SHANK2: variants seen among roughly 807,000 people sequenced by gnomAD.
The protein encoded by SHANK2 is SH3 and multiple ankyrin repeat domains protein 2.
SHANK2 carries 43 observed loss-of-function variants against 133.7 expected under a neutral mutation model. That is an observed-to-expected ratio of 0.32 (90% CI 0.25 to 0.41). The LOEUF is 0.41. SHANK2 is among the 10% of genes least tolerant of loss of function. The pLI is 1.00. For synonymous variants in SHANK2, 1,017 were observed against 952.8 expected (o/e 1.07, Z -1.24); for missense variants, 1,994 against 2,235.8 (o/e 0.89, Z 2.18).
intron 17 of SHANK2, among the ~76,000 whole-genome samples, chr11:70,514,409 C>G (rs1318278211): frequency 1.3e-5 from 2 of 152,234 alleles, no homozygotes; most frequent in African/African-American, 2.4e-5. Context: ...GGGACTGGAT[C>G]TATGGATGGC....
chr11:70,545,926 G>A (rs1283998883), intron 17 of SHANK2, among the ~76,000 whole-genome samples: 1 of 152,020 alleles, frequency 6.6e-6, no homozygotes, highest in Admixed American at 6.5e-5. Flanking sequence ...CAATACTCGG[G>A]AACATGCATC....
chr11:71,069,413 C>T (rs976743141), intron 9 of SHANK2, among the ~76,000 whole-genome samples: 83,530 of 151,686 alleles, frequency 0.55, 27,274 homozygotes, highest in East Asian at 0.75. Context: ...TCAGCCTCAC[C>T]ATCACCACCT....
intron 17 of SHANK2, among the ~76,000 whole-genome samples, chr11:70,619,276 G>A (rs2060798486): frequency 6.6e-6 from 1 of 152,242 alleles, no homozygotes. Context: ...CAGGGCTCAG[G>A]AGGCTGAGAG....
chr11:70,860,169 C>G (rs1555067509), intron 11 of SHANK2, among the ~76,000 whole-genome samples: 1 of 152,176 alleles, frequency 6.6e-6, no homozygotes, highest in African/African-American at 2.4e-5. Context: ...GTGAACACAG[C>G]CCACCTGATC....
chr11:70,890,482 A>T lies in SHANK2; in HGVS notation c.1174+6019T>A, dbSNP rs1266564881. Among the ~76,000 whole-genome samples, 3 of 21,108 alleles carry T rather than the reference A, an allele frequency of 1.4e-4. No homozygotes were observed. In the Non-Finnish European group the frequency reaches 1.5e-3, roughly 11 times the overall value. 13.8% of individuals were successfully genotyped at this position (21,108 alleles called of 152,430 possible). A position where few individuals can be genotyped will look rare whatever the true frequency, so the allele number is the denominator to read the frequency against. On this transcript the variant is annotated intron_variant, in intron 11 of 25. Coordinates refer to ENST00000601538, the MANE Select transcript of SHANK2 (RefSeq NM_012309.5). ...GGTGAAACCCTGTCTCTACTAAAAAAAAAAACAAAAAAAACAAAAAAAACA... is the reference window on the plus strand; with the variant it reads ...GGTGAAACCCTGTCTCTACTAAAAATAAAAACAAAAAAAACAAAAAAAACA...
At chr11:71,121,794 TATAAGAAAAAATCAAAC>T (rs572686091) in intron 3 of SHANK2, among the ~76,000 whole-genome samples, 2 of 152,304 alleles carry the variant, frequency 1.3e-5, no homozygotes, top group East Asian at 3.9e-4. Flanking sequence ...TAAACAAATT[TATAAGAAAAAATCAAAC>T]AACCCCATCA....
At chr11:71,203,108 C>T (rs781945424) in intron 2 of SHANK2, among the ~76,000 whole-genome samples, 2 of 152,190 alleles carry the variant, frequency 1.3e-5, no homozygotes, top group Non-Finnish European at 2.9e-5. Context: ...GTACCACCTG[C>T]AAGGGTGGGT....
chr11:70,817,249 G>A (rs1206537036), intron 12 of SHANK2, among the ~76,000 whole-genome samples: 1 of 152,232 alleles, frequency 6.6e-6, no homozygotes, highest in South Asian at 2.1e-4. Context: ...GTTAGGACAC[G>A]GGTCTTAAGG....
At chr11:71,232,957 A>T (rs545159554) in intron 1 of SHANK2, among the ~76,000 whole-genome samples, 2 of 152,198 alleles carry the variant, frequency 1.3e-5, no homozygotes, top group African/African-American at 2.4e-5. Context: ...CACAGCTTCA[A>T]TGAGAGGCAG....
chr11:71,065,133 AG>A (rs1253560417), intron 9 of SHANK2, among the ~76,000 whole-genome samples: 2 of 152,164 alleles, frequency 1.3e-5, no homozygotes, highest in African/African-American at 4.8e-5. Flanking sequence ...TTGAGCAAGC[AG>A]GGGTGAAAGT....
At chr11:71,183,788 T>C (rs1383828420) in intron 2 of SHANK2, among the ~76,000 whole-genome samples, 5 of 152,026 alleles carry the variant, frequency 3.3e-5, no homozygotes, top group African/African-American at 9.7e-5. Flanking sequence ...TGGAGACAGG[T>C]GCCCAAGTCA....
At chr11:70,531,464 A>C (rs1166501393) in intron 17 of SHANK2, among the ~76,000 whole-genome samples, 1 of 152,322 alleles carries the variant, frequency 6.6e-6, no homozygotes, top group East Asian at 1.9e-4. Context: ...CACTAGACTG[A>C]CTGCCTCGCG....
Position 71,188,259 on chromosome 11 carries a change from A to G in SHANK2, c.-13+36438T>C, listed in dbSNP as rs1013717642. 8.6e-5 allele frequency among the ~76,000 whole-genome samples: 13 copies of G among 151,994 alleles called. No individual in the cohort carries two copies. The highest frequency in any genetic ancestry group is 3.1e-4 in the African/African-American group (13 of 41,368). On this transcript the variant is annotated intron_variant, in intron 2 of 25. Coordinates refer to ENST00000601538, the MANE Select transcript of SHANK2 (RefSeq NM_012309.5). The surrounding 1 kb of genome is among the most constrained non-coding windows in gnomAD (Gnocchi z 4.6). ...ATCCCCTGCTGGTGTCACTCTGGTCATGGACCACTGGAGCTGCCCACTCAC... is the reference window on the plus strand; with the variant it reads ...ATCCCCTGCTGGTGTCACTCTGGTCGTGGACCACTGGAGCTGCCCACTCAC...
chr11:70,640,940 G>A (rs1292418605), intron 17 of SHANK2, among the ~76,000 whole-genome samples: 3 of 152,198 alleles, frequency 2.0e-5, no homozygotes, highest in African/African-American at 4.8e-5. Flanking sequence ...GATGCAAAGA[G>A]CCTCTTCGCT....
At chr11:70,504,439 G>A (rs1212296173) in intron 17 of SHANK2, among the ~76,000 whole-genome samples, 1 of 152,212 alleles carries the variant, frequency 6.6e-6, no homozygotes, top group Non-Finnish European at 1.5e-5. Context: ...GCAGGGCTGC[G>A]AGGAGCCCAG....
At chr11:70,584,815 C>G (rs2060227441) in intron 17 of SHANK2, among the ~76,000 whole-genome samples, 1 of 152,224 alleles carries the variant, frequency 6.6e-6, no homozygotes, top group Admixed American at 6.5e-5. Flanking sequence ...AATAATAAAA[C>G]CTACATTTTA....
intron 11 of SHANK2, among the ~76,000 whole-genome samples, chr11:70,852,563 G>A (rs998993971): frequency 6.6e-6 from 1 of 152,230 alleles, no homozygotes; most frequent in Non-Finnish European, 1.5e-5. Flanking sequence ...ATCCATGACT[G>A]GCTGGGCACA....
intron 1 of SHANK2, among the ~76,000 whole-genome samples, chr11:71,230,445 T>C (rs1954724047): frequency 6.6e-6 from 1 of 151,948 alleles, no homozygotes; most frequent in South Asian, 2.1e-4. Flanking sequence ...GGCGGGCACC[T>C]GTAGTACTAG....
chr11:71,060,523 G>A (rs1333674146), intron 9 of SHANK2, among the ~76,000 whole-genome samples: 4 of 152,364 alleles, frequency 2.6e-5, no homozygotes, highest in African/African-American at 9.6e-5. Context: ...CTCAGACTCA[G>A]GGACAGCCCA....
Sources: allele counts gnomAD v4.1 joint callset (sites outside exome capture counted in the v4.1 genomes callset), GRCh38; gene constraint gnomAD v4.1.1; non-coding constraint Gnocchi (gnomAD v3.1); transcripts MANE v1.5; gene names NCBI Gene and HGNC (gene_info 2026-07-23, HGNC 2026-07-21).